Variants in PTPRD observed in about 807,000 individuals in gnomAD.
PTPRD encodes the protein protein tyrosine phosphatase receptor type D, also known as receptor-type tyrosine-protein phosphatase delta.
PTPRD carries 34 observed loss-of-function variants against 214.5 expected under a neutral mutation model. That is an observed-to-expected ratio of 0.16 (90% CI 0.12 to 0.21). The LOEUF (loss-of-function observed/expected upper bound fraction) is 0.21. Ranked by LOEUF, PTPRD falls within the 10% of genes least tolerant of loss-of-function variation. The probability of loss-of-function intolerance (pLI) is 1.00; values close to 1 mark genes in which losing one functional copy is unlikely to be tolerated. For missense variants in PTPRD, 2,545 were observed against 2,398.7 expected (o/e 1.06, Z -1.27); for synonymous variants, 1,128 against 845.7 (o/e 1.33, Z -5.79).
intron 3 of PTPRD, among the ~76,000 whole-genome samples, chr9:10,332,577 C>T (rs1271013495): frequency 6.6e-6 from 1 of 151,730 alleles, no homozygotes; most frequent in Non-Finnish European, 1.5e-5. Flanking sequence ...GTATGACATA[C>T]TACATGCAGC....
intron 5 of PTPRD, among the ~76,000 whole-genome samples, chr9:9,779,906 G>T (rs1352460717): frequency 1.3e-5 from 2 of 152,160 alleles, no homozygotes; most frequent in East Asian, 1.9e-4. Context: ...CCATTACTGG[G>T]TATATACCCC....
In PTPRD at chr9:8,395,870, G is replaced by T. The variant is rs539690341; in HGVS notation, c.4211-6463C>A. 5.3e-5 allele frequency among the ~76,000 whole-genome samples: 8 copies of T among 152,136 alleles called. No homozygotes were observed. In the South Asian group the frequency reaches 1.7e-3, roughly 32 times the overall value. On this transcript the variant is annotated intron_variant, in intron 36 of 45. Coordinates refer to ENST00000381196, the MANE Select transcript of PTPRD (RefSeq NM_002839.4). ...TATCTTTGAATACATTGCAAGATCA[G>T]CAACATGAGTTGGGGAATTACCAGC...
rs1361138946 is a variant in PTPRD at position 8,736,945 on chromosome 9, C to A, written c.-103-2999G>T. On this transcript the variant is annotated intron_variant, in intron 11 of 45. Coordinates refer to ENST00000381196, the MANE Select transcript of PTPRD (RefSeq NM_002839.4). ...CTCCTCCCGCTTTCACTGCTCCCAT[C>A]CTCATGCCAGCATTTCAAATGACAG... Among the ~76,000 whole-genome samples the A allele has an allele frequency of 5.3e-5, 8 of 152,216 alleles. No homozygotes were observed. The South Asian group carries it at 8.3e-4, about 16-fold the overall frequency.
chr9:10,481,403 T>C (rs2099097049), intron 2 of PTPRD, among the ~76,000 whole-genome samples: 1 of 152,184 alleles, frequency 6.6e-6, no homozygotes, highest in South Asian at 2.1e-4. Context: ...ATATTGAATA[T>C]AAAAACATAT....
At chr9:8,321,682 A>G (rs1828384073) in intron 44 of PTPRD, among the ~76,000 whole-genome samples, 1 of 151,434 alleles carries the variant, frequency 6.6e-6, no homozygotes, top group Admixed American at 6.6e-5. Context: ...AATTAAAGAT[A>G]CTCTTTTCCT....
intron 6 of PTPRD, among the ~76,000 whole-genome samples, chr9:9,740,799 C>G (rs1475117027): frequency 6.6e-6 from 1 of 152,148 alleles, no homozygotes; most frequent in Non-Finnish European, 1.5e-5. Context: ...AATTCTCGGG[C>G]TGTAAACTCA....
chr9:9,232,832 CT>C (rs1166176006), intron 9 of PTPRD, among the ~76,000 whole-genome samples: 1 of 152,110 alleles, frequency 6.6e-6, no homozygotes, highest in East Asian at 1.9e-4. Flanking sequence ...TTCTGACATT[CT>C]TCTTGAAGCA....
chr9:9,547,175 G>C (rs2078999988), intron 8 of PTPRD, among the ~76,000 whole-genome samples: 1 of 151,964 alleles, frequency 6.6e-6, no homozygotes, highest in African/African-American at 2.4e-5. Flanking sequence ...AAATTGGACT[G>C]ATGTCACTCT....
chr9:9,110,404 C>T (rs1182771743), intron 10 of PTPRD, among the ~76,000 whole-genome samples: 1 of 152,108 alleles, frequency 6.6e-6, no homozygotes, highest in East Asian at 1.9e-4. Context: ...TCTGTGTTTT[C>T]AACAAGTCCT....
chr9:8,663,103 T>TA (rs1172696050), intron 12 of PTPRD, among the ~76,000 whole-genome samples: 2 of 152,148 alleles, frequency 1.3e-5, no homozygotes, highest in Non-Finnish European at 2.9e-5. Flanking sequence ...AAATAAAAAC[T>TA]ATTTGGAATT....
At chr9:8,604,636 G>A (rs948354191) in intron 14 of PTPRD, among the ~76,000 whole-genome samples, 11 of 152,120 alleles carry the variant, frequency 7.2e-5, no homozygotes, top group African/African-American at 1.4e-4. Flanking sequence ...CAATAAGGGG[G>A]ACTCAAGCTA....
At chr9:9,316,629 CA>C (rs1192313939) in intron 9 of PTPRD, among the ~76,000 whole-genome samples, 4 of 152,052 alleles carry the variant, frequency 2.6e-5, no homozygotes, top group Admixed American at 2.0e-4. Context: ...CAAAATAGCC[CA>C]ATCAACTATG....
intron 2 of PTPRD, among the ~76,000 whole-genome samples, chr9:10,465,263 A>T (rs2098985754): frequency 6.6e-6 from 1 of 152,218 alleles, no homozygotes; most frequent in Non-Finnish European, 1.5e-5. Context: ...TATGTACATG[A>T]CATGTAAAAC....
At chr9:10,072,547 T>C (rs1401472117) in intron 3 of PTPRD, among the ~76,000 whole-genome samples, 1 of 152,128 alleles carries the variant, frequency 6.6e-6, no homozygotes, top group Non-Finnish European at 1.5e-5. Flanking sequence ...TTGCCACTGC[T>C]GGCTGGGGTG....
At chr9:9,354,382 T>C (rs2052813272) in intron 9 of PTPRD, among the ~76,000 whole-genome samples, 1 of 151,886 alleles carries the variant, frequency 6.6e-6, no homozygotes, top group Non-Finnish European at 1.5e-5. Flanking sequence ...TTATACACTT[T>C]TGCAGCTTTT....
chr9:10,168,081 G>T (rs1164289391), intron 3 of PTPRD, among the ~76,000 whole-genome samples: 2 of 152,172 alleles, frequency 1.3e-5, no homozygotes, highest in Non-Finnish European at 1.5e-5. Context: ...TTTTAAGACT[G>T]TGTAGAACAT....
At chr9:9,772,287 G>A (rs773197966) in intron 5 of PTPRD, among the ~76,000 whole-genome samples, 14 of 152,068 alleles carry the variant, frequency 9.2e-5, no homozygotes, top group Non-Finnish European at 1.9e-4. Context: ...TGATAGCTTG[G>A]TCTTGAACTT....
intron 8 of PTPRD, among the ~76,000 whole-genome samples, chr9:9,402,237 A>G (rs1293773221): frequency 7.2e-5 from 11 of 152,138 alleles, no homozygotes; most frequent in Admixed American, 7.2e-4. Flanking sequence ...AGTGGCCAAA[A>G]CTGAAGAAAA....
chr9:8,775,662 T>C (rs1000398732), intron 11 of PTPRD, among the ~76,000 whole-genome samples: 2 of 152,184 alleles, frequency 1.3e-5, no homozygotes, highest in Non-Finnish European at 2.9e-5. Flanking sequence ...TGCTCTGTTA[T>C]CTCAATTATA....
Sources: gnomAD v4.1 joint callset for allele counts (sites outside exome capture counted in the v4.1 genomes callset) on GRCh38, gnomAD v4.1.1 for gene constraint, MANE v1.5 for transcripts, NCBI Gene and HGNC (gene_info 2026-07-23, HGNC 2026-07-21) for gene names.